GMPR: variants seen among roughly 807,000 people sequenced by gnomAD.
The protein encoded by GMPR is guanosine monophosphate reductase, also known as GMP reductase 1.
A neutral mutation model predicts 38.4 loss-of-function variants in GMPR; 31 were observed. That is an observed-to-expected ratio of 0.81 (90% CI 0.61 to 1.09). The LOEUF is 1.09. Ranked by LOEUF, GMPR falls within the 50% of genes least tolerant of loss-of-function variation. The pLI, the probability that GMPR is intolerant of heterozygous loss-of-function variation, is 0.00. For missense variants in GMPR, 468 were observed against 453.7 expected (o/e 1.03, Z -0.29); for synonymous variants, 162 against 173.3 (o/e 0.93, Z 0.51).
chr6:16,286,196 G>GGAA (rs1416632848), intron 7 of GMPR, among the ~76,000 whole-genome samples: 8 of 152,108 alleles, frequency 5.3e-5, no homozygotes, highest in African/African-American at 1.9e-4. Flanking sequence ...GAAGTCCCGT[G>GGAA]GAAGGGACAG....
intron 4 of GMPR, among the ~76,000 whole-genome samples, chr6:16,256,351 TA>T (rs200060049): frequency 1.3e-3 from 163 of 120,856 alleles, no homozygotes; most frequent in East Asian, 1.5e-3. Flanking sequence ...CTGCATCTAC[TA>T]AAAAAAAAAA....
At chr6:16,249,710 C>G (rs948716686) in intron 2 of GMPR, among the ~76,000 whole-genome samples, 1 of 152,218 alleles carries the variant, frequency 6.6e-6, no homozygotes, top group Non-Finnish European at 1.5e-5. Context: ...ACGACTGACA[C>G]AAAGCGGGTC....
intron 7 of GMPR, chr6:16,289,487 C>T (rs1241173919): frequency 6.6e-6 from 1 of 152,222 alleles, no homozygotes; most frequent in African/African-American, 2.4e-5. Flanking sequence ...CAGCCCTGGG[C>T]CTGTTCCAGC....
rs896039719 is a variant in GMPR at position 16,295,300 on chromosome 6, T to C, written c.*114T>C. 13 of 784,174 alleles carry C rather than the reference T, an allele frequency of 1.7e-5. No individual in the cohort carries two copies. Among genetic ancestry groups the C allele is most frequent in the Non-Finnish European group, 1.9e-5 (10 of 532,882 alleles). The allele number at this position is 784,174 out of a possible 1,614,324, so 48.6% of individuals were successfully genotyped here. A position where few individuals can be genotyped will look rare whatever the true frequency, so the allele number is the denominator to read the frequency against. ...TGGCTGCTCCTGAATGGTGGAATGC[T>C]GTGTCCTCTCTTCTGTCTCCTGCTG... On this transcript the variant is annotated 3_prime_UTR_variant, in exon 9 of 9. Coordinates refer to ENST00000259727, the MANE Select transcript of GMPR (RefSeq NM_006877.4).
chr6:16,289,023 C>G (rs183778294), intron 7 of GMPR, among the ~76,000 whole-genome samples: 1 of 152,170 alleles, frequency 6.6e-6, no homozygotes, highest in Non-Finnish European at 1.5e-5. Context: ...AGCAGGCTGC[C>G]GGAGCCAGCA....
At chr6:16,278,184 T>A (rs556966714) in intron 5 of GMPR, among the ~76,000 whole-genome samples, 29 of 152,094 alleles carry the variant, frequency 1.9e-4, no homozygotes, top group Admixed American at 1.3e-3. Flanking sequence ...AGCACAGAGC[T>A]GAGTGAGAGC....
chr6:16,275,797 C>G (rs1177879339), intron 5 of GMPR, among the ~76,000 whole-genome samples: 1 of 152,222 alleles, frequency 6.6e-6, no homozygotes. Flanking sequence ...GTGGCTCACG[C>G]CTGGTCTCCC....
In GMPR at chr6:16,245,352, G is replaced by A. The variant is rs527879835; in HGVS notation, c.88-1490G>A. On this transcript the variant is annotated intron_variant, in intron 1 of 8. Transcript: ENST00000259727. ...CAAAACCCGGTGTTGAGAAGCAAGAGAAATGTAAAGGCTAAAGGGCCAGAG... is the reference window on the plus strand; with the variant it reads ...CAAAACCCGGTGTTGAGAAGCAAGAAAAATGTAAAGGCTAAAGGGCCAGAG... Among the ~76,000 whole-genome samples, 6 of 152,338 alleles carry A rather than the reference G, an allele frequency of 3.9e-5. No individual in the cohort carries two copies. In the East Asian group the frequency reaches 1.2e-3, roughly 29 times the overall value.
At chr6:16,263,487 A>C (rs1759125891) in intron 4 of GMPR, 1 of 151,846 alleles carries the variant, frequency 6.6e-6, no homozygotes, top group Admixed American at 6.6e-5. Flanking sequence ...TGAAGGAAGC[A>C]AGCCTAGAGA....
intron 4 of GMPR, among the ~76,000 whole-genome samples, chr6:16,255,695 T>C (rs924679320): frequency 1.3e-5 from 2 of 152,218 alleles, no homozygotes; most frequent in Admixed American, 6.5e-5. Context: ...ATTGTAATTA[T>C]GCAAGTCTTT....
chr6:16,240,652 A>G (rs1206930282), intron 1 of GMPR, among the ~76,000 whole-genome samples: 1 of 152,232 alleles, frequency 6.6e-6, no homozygotes, highest in East Asian at 1.9e-4. Flanking sequence ...TTTATGTAAT[A>G]GAATGAATTA....
At chr6:16,267,213 AAAG>A (rs945950091) in intron 4 of GMPR, among the ~76,000 whole-genome samples, 3 of 152,044 alleles carry the variant, frequency 2.0e-5, no homozygotes, top group East Asian at 1.9e-4. Context: ...AGTACAAAAA[AAAG>A]AAAAAATTAG....
intron 4 of GMPR, among the ~76,000 whole-genome samples, chr6:16,267,328 C>T (rs1026560009): frequency 2.0e-5 from 3 of 152,020 alleles, no homozygotes; most frequent in African/African-American, 4.8e-5. Flanking sequence ...GCCGAGATCG[C>T]GCCACTGCAC....
At chr6:16,273,325 C>CTT (rs936690207) in intron 4 of GMPR, among the ~76,000 whole-genome samples, 1 of 152,236 alleles carries the variant, frequency 6.6e-6, no homozygotes, top group Admixed American at 6.5e-5. Context: ...CAAAATATGA[C>CTT]TTTGCACAGT....
At chr6:16,266,350 G>A (rs1335942207) in intron 4 of GMPR, among the ~76,000 whole-genome samples, 5 of 146,664 alleles carry the variant, frequency 3.4e-5, no homozygotes, top group Non-Finnish European at 7.4e-5. Flanking sequence ...CCACCTTTAA[G>A]AGCTGTAACA....
intron 6 of GMPR, among the ~76,000 whole-genome samples, chr6:16,279,354 C>CTG (rs747199139): frequency 1.1e-4 from 17 of 152,168 alleles, no homozygotes; most frequent in Non-Finnish European, 1.9e-4. Flanking sequence ...GTGGCGTCCT[C>CTG]TGTGTGTGTG....
chr6:16,265,076 A>G (rs1242896976), intron 4 of GMPR, among the ~76,000 whole-genome samples: 1 of 152,172 alleles, frequency 6.6e-6, no homozygotes, highest in African/African-American at 2.4e-5. Context: ...GTACATTCTC[A>G]GTACTGTGTA....
chr6:16,286,183 GGA>G (rs1759674070), intron 7 of GMPR, among the ~76,000 whole-genome samples: 1 of 152,106 alleles, frequency 6.6e-6, no homozygotes, highest in African/African-American at 2.4e-5. Context: ...GACCCAGCTT[GGA>G]GAAGTCCCGT....
intron 1 of GMPR, among the ~76,000 whole-genome samples, chr6:16,242,837 C>T (rs1468515444): frequency 6.6e-6 from 1 of 152,098 alleles, no homozygotes; most frequent in Non-Finnish European, 1.5e-5. Context: ...AGGGTTTCTC[C>T]ATGTTGGTCA....
Sources: gnomAD v4.1 joint callset for allele counts (sites outside exome capture counted in the v4.1 genomes callset) on GRCh38, gnomAD v4.1.1 for gene constraint, MANE v1.5 for transcripts, NCBI Gene and HGNC (gene_info 2026-07-23, HGNC 2026-07-21) for gene names.